IL5RA: variants seen among roughly 807,000 people sequenced by gnomAD.
The protein encoded by IL5RA is interleukin 5 receptor subunit alpha.
A neutral mutation model predicts 50.0 loss-of-function variants in IL5RA; 49 were observed. The ratio of observed to expected loss-of-function variants is 0.98; its 90% CI spans 0.78 to 1.24. IL5RA has a LOEUF of 1.24. Among genes scored for constraint, IL5RA ranks in the 50% most tolerant of loss-of-function variants. IL5RA has a pLI of 0.00. For missense variants in IL5RA, 600 were observed against 500.4 expected, an observed-to-expected ratio of 1.20 and a Z score of -1.90; for synonymous variants, 202 against 174.0, an observed-to-expected ratio of 1.16 and a Z score of -1.26.
intron 11 of IL5RA, among the ~76,000 whole-genome samples, chr3:3,074,211 T>TCCCTCTGAAAATTC (rs1702399702): frequency 6.6e-6 from 1 of 152,164 alleles, no homozygotes; most frequent in African/African-American, 2.4e-5. Context: ...GAGCTAAAGT[T>TCCCTCTGAAAATTC]CCCTCTGAAA....
At chr3:3,109,388 A>G (rs1314712164) in intron 1 of IL5RA, among the ~76,000 whole-genome samples, 1 of 152,202 alleles carries the variant, frequency 6.6e-6, no homozygotes, top group Non-Finnish European at 1.5e-5. Context: ...CTTTATTTGT[A>G]GATTTCTTGC....
chr3:3,093,730 C>G (rs940171689), intron 8 of IL5RA, among the ~76,000 whole-genome samples: 1 of 152,192 alleles, frequency 6.6e-6, no homozygotes, highest in Non-Finnish European at 1.5e-5. Flanking sequence ...CTGGCTTTTC[C>G]TGTGGGAGGG....
intron 11 of IL5RA, 37 bp downstream of exon 11, chr3:3,074,745 G>C (rs1425272239): frequency 1.6e-6 from 2 of 1,250,394 alleles, no homozygotes; most frequent in Non-Finnish European, 1.2e-6. Flanking sequence ...CTCAACCCTG[G>C]ACACATACGG....
chr3:3,089,454 C>T (rs574998711), intron 9 of IL5RA, among the ~76,000 whole-genome samples: 69 of 152,188 alleles, frequency 4.5e-4, no homozygotes, highest in African/African-American at 1.4e-3. Flanking sequence ...GGTCACTGCC[C>T]GAGACTTTCC....
chr3:3,104,867 A>G, intron 3 of IL5RA, 36 bp downstream of exon 3: 1 of 1,297,104 alleles, frequency 7.7e-7, no homozygotes, highest in Non-Finnish European at 1.1e-6. Context: ...ATATTTTTAA[A>G]AATAAACATT....
intron 11 of IL5RA, among the ~76,000 whole-genome samples, chr3:3,070,575 CTTTTTTT>C (rs71058670): frequency 7.1e-5 from 6 of 84,916 alleles, no homozygotes; most frequent in African/African-American, 2.7e-4. Flanking sequence ...GGATACACAT[CTTTTTTT>C]TTTTTTTTTT....
At chr3:3,071,625 C>T (rs1346065429) in intron 11 of IL5RA, among the ~76,000 whole-genome samples, 1 of 137,462 alleles carries the variant, frequency 7.3e-6, no homozygotes, top group East Asian at 2.3e-4. Context: ...GTTCTGGCTA[C>T]ATCACCCAAG....
At chr3:3,089,013 G>A (rs1462750609) in intron 9 of IL5RA, among the ~76,000 whole-genome samples, 1 of 152,088 alleles carries the variant, frequency 6.6e-6, no homozygotes, top group Non-Finnish European at 1.5e-5. Flanking sequence ...AATTTTCCTG[G>A]TGCAAATGGA....
chr3:3,097,547 G>A (rs1479434996), intron 7 of IL5RA, among the ~76,000 whole-genome samples: 3 of 152,086 alleles, frequency 2.0e-5, no homozygotes, highest in African/African-American at 7.2e-5. Context: ...CCCCTTGAGG[G>A]GCATTTGGCA....
chr3:3,095,449 G>A lies in IL5RA; in HGVS notation c.710-5C>T, dbSNP rs1469068603. On this transcript the variant is annotated splice_region_variant and splice_polypyrimidine_tract_variant and intron_variant, in intron 7 of 11. Coordinates refer to ENST00000446632, the MANE Select transcript of IL5RA (RefSeq NM_175726.4). Reference sequence around the variant, plus strand: ...TCAGTGGAGGATTTATTTGATCTAAGTTAGGGAACGAAAGATCAGTGATTT... The same window carrying A: ...TCAGTGGAGGATTTATTTGATCTAAATTAGGGAACGAAAGATCAGTGATTT... 1.0e-5 allele frequency: 16 copies of A among 1,594,154 alleles called. No homozygotes were observed. Among genetic ancestry groups the A allele is most frequent in the East Asian group, 2.3e-5 (1 of 44,400 alleles).
At chr3:3,096,289 A>AGAAG (rs1553752103) in intron 7 of IL5RA, among the ~76,000 whole-genome samples, 173 of 141,350 alleles carry the variant, frequency 1.2e-3, no homozygotes, top group African/African-American at 4.2e-3. Context: ...AAAAAAAAAA[A>AGAAG]AAGAAGAAGA....
Position 3,068,022 on chromosome 3 carries a change from G to C in IL5RA, c.*2203C>G, listed in dbSNP as rs1269232072. ...CAAAAGGACAGTTTTCTGGGGACAG[G>C]ACTTTTCTGTCACATCTTCCTTCAG... is the stretch of plus-strand genomic sequence containing the variant. On this transcript the variant is annotated 3_prime_UTR_variant, in exon 12 of 12. Transcript: ENST00000446632. The C allele has an allele frequency of 6.6e-6, 1 of 152,214 alleles. No individual in the cohort carries two copies. The highest frequency in any genetic ancestry group is 2.4e-5 in the African/African-American group (1 of 41,430). 9.4% of individuals were successfully genotyped at this position (152,214 alleles called of 1,614,324 possible). A position where few individuals can be genotyped will look rare whatever the true frequency, so the allele number is the denominator to read the frequency against.
At position 3,092,164 on chromosome 3, in the gene IL5RA, G is replaced by T; in HGVS notation, c.994+60C>A. 1 of 1,589,686 alleles carries T rather than the reference G, an allele frequency of 6.3e-7. No homozygotes were observed. ...CCACGAGTGAACGGGTACGTTTCTG[G>T]GATTACCTTTTTTGATCACAAGGAA... On this transcript the variant is annotated intron_variant, in intron 9 of 11. Coordinates refer to ENST00000446632, the MANE Select transcript of IL5RA (RefSeq NM_175726.4). This position sits in a 1 kb window ranked among gnomAD's most constrained non-coding sequence, Gnocchi z 4.2.
At chr3:3,093,360 CA>C (rs1003880677) in intron 8 of IL5RA, among the ~76,000 whole-genome samples, 3 of 152,164 alleles carry the variant, frequency 2.0e-5, no homozygotes, top group African/African-American at 7.2e-5. Flanking sequence ...GGGCTAAATA[CA>C]GATAAAATTA....
chr3:3,099,746 T>G (rs1419925609), intron 5 of IL5RA, among the ~76,000 whole-genome samples: 11 of 151,778 alleles, frequency 7.2e-5, no homozygotes, highest in Admixed American at 7.2e-4. Flanking sequence ...CTCAGCTCAC[T>G]GCAACCTCAC....
chr3:3,103,282 T>A (rs997561713), intron 3 of IL5RA, among the ~76,000 whole-genome samples: 2 of 152,230 alleles, frequency 1.3e-5, no homozygotes, highest in African/African-American at 4.8e-5. Context: ...AATATGAACA[T>A]GTTACTATAT....
chr3:3,103,804 C>T (rs749669802), intron 3 of IL5RA, among the ~76,000 whole-genome samples: 55 of 151,848 alleles, frequency 3.6e-4, no homozygotes, highest in South Asian at 6.2e-4. Flanking sequence ...TTTTTCTGGG[C>T]GTATATTTAT....
chr3:3,090,715 C>A (rs990482703), intron 9 of IL5RA, among the ~76,000 whole-genome samples: 1 of 151,756 alleles, frequency 6.6e-6, no homozygotes, highest in South Asian at 2.1e-4. Flanking sequence ...TACAGGCGCC[C>A]GCCACCACGC....
In IL5RA at chr3:3,092,167, T is replaced by A; in HGVS notation, c.994+57A>T. 6.3e-7 allele frequency: 1 copy of A among 1,592,028 alleles called. No homozygotes were observed. The highest frequency in any genetic ancestry group is 8.5e-7 in the Non-Finnish European group (1 of 1,170,824). On this transcript the variant is annotated intron_variant, in intron 9 of 11. Coordinates refer to ENST00000446632, the MANE Select transcript of IL5RA (RefSeq NM_175726.4). This position sits in a 1 kb window ranked among gnomAD's most constrained non-coding sequence, Gnocchi z 4.2. Reference sequence around the variant, plus strand: ...CGAGTGAACGGGTACGTTTCTGGGATTACCTTTTTTGATCACAAGGAAGGC... The same window carrying A: ...CGAGTGAACGGGTACGTTTCTGGGAATACCTTTTTTGATCACAAGGAAGGC...
Sources: gnomAD v4.1 joint callset for allele counts (sites outside exome capture counted in the v4.1 genomes callset) on GRCh38, gnomAD v4.1.1 for gene constraint, Gnocchi (gnomAD v3.1) non-coding constraint, MANE v1.5 for transcripts, NCBI Gene and HGNC (gene_info 2026-07-23, HGNC 2026-07-21) for gene names.